The following PCDH15 variants were observed in gnomAD, a reference collection of about 807,000 sequenced individuals.
PCDH15 encodes the protein protocadherin related 15, also known as protocadherin-15.
A neutral mutation model predicts 178.5 loss-of-function variants in PCDH15; 129 were observed. That is an observed-to-expected ratio of 0.72 (90% CI 0.63 to 0.84). The LOEUF (loss-of-function observed/expected upper bound fraction) is 0.84. PCDH15 is among the 40% of genes least tolerant of loss of function. The probability of loss-of-function intolerance (pLI) is 0.00; values close to 1 mark genes in which losing one functional copy is unlikely to be tolerated. For missense variants in PCDH15, 2,230 were observed against 2,099.9 expected (o/e 1.06, Z -1.21); for synonymous variants, 800 against 732.0 (o/e 1.09, Z -1.50).
At chr10:54,554,601 G>C (rs1365952199) in intron 2 of PCDH15, among the ~76,000 whole-genome samples, 1 of 152,066 alleles carries the variant, frequency 6.6e-6, no homozygotes, top group Non-Finnish European at 1.5e-5. Context: ...AAATAGGTTG[G>C]ACTTCCATCT....
rs1212914906 is a variant in PCDH15, at chr10:55,621,653, G to A, written c.-156+5972C>T. On this transcript the variant is annotated intron_variant, in intron 2 of 5. Coordinates refer to the PCDH15 transcript ENST00000613346. Reference sequence around the variant, plus strand: ...ATCTAAAACTAATTCCTGATGATGTGAAGTGGAAGAGTTTCACATAACCCC... The same window carrying A: ...ATCTAAAACTAATTCCTGATGATGTAAAGTGGAAGAGTTTCACATAACCCC... 3.3e-5 allele frequency among the ~76,000 whole-genome samples: 5 copies of A among 152,236 alleles called. No individual in the cohort carries two copies. The Middle Eastern group carries it at 0.01, about 311-fold the overall frequency.
chr10:55,362,727 C>T lies in PCDH15; in HGVS notation c.-155-196076G>A, dbSNP rs190311181. ...CTCTTGTGTAGATTCATGTGATTAC[C>T]ACCACAGTCAAGATACAAAAGAGTT... On this transcript the variant is annotated intron_variant, in intron 2 of 5. Transcript: ENST00000613346. Among the ~76,000 whole-genome samples the T allele has an allele frequency of 5.3e-3, 812 of 152,086 alleles. 1 individual carries two copies. Among genetic ancestry groups the T allele is most frequent in the Non-Finnish European group, 6.8e-3 (460 of 67,976 alleles).
At chr10:54,092,623 A>T (rs1243360863) in intron 15 of PCDH15, among the ~76,000 whole-genome samples, 1 of 152,190 alleles carries the variant, frequency 6.6e-6, no homozygotes. Flanking sequence ...AAAAAAAAGA[A>T]GCAAACAAAT....
chr10:53,891,678 C>A (rs1361094306), intron 26 of PCDH15, among the ~76,000 whole-genome samples: 1 of 151,904 alleles, frequency 6.6e-6, no homozygotes, highest in African/African-American at 2.4e-5. Flanking sequence ...CCAGGCTGGT[C>A]GTTGTGGCTC....
intron 3 of PCDH15, among the ~76,000 whole-genome samples, chr10:54,409,159 A>T (rs1364669424): frequency 6.6e-6 from 1 of 152,156 alleles, no homozygotes; most frequent in Non-Finnish European, 1.5e-5. Context: ...CATGATTGTA[A>T]GGCCTCCCCA....
intron 5 of PCDH15, among the ~76,000 whole-genome samples, chr10:54,367,379 C>T (rs1198700254): frequency 6.6e-6 from 1 of 151,954 alleles, no homozygotes; most frequent in African/African-American, 2.4e-5. Flanking sequence ...TACTGTTTAA[C>T]AAGACACTGA....
At chr10:55,118,669 C>T (rs1272615547) in intron 2 of PCDH15, among the ~76,000 whole-genome samples, 1 of 152,164 alleles carries the variant, frequency 6.6e-6, no homozygotes. Flanking sequence ...ACCAAAGGGT[C>T]TTGTAAAAAT....
At chr10:54,986,985 T>C (rs1206973623) in intron 2 of PCDH15, among the ~76,000 whole-genome samples, 1 of 152,090 alleles carries the variant, frequency 6.6e-6, no homozygotes, top group Non-Finnish European at 1.5e-5. Context: ...TTGCTGCACC[T>C]ATTAATCAGT....
intron 2 of PCDH15, among the ~76,000 whole-genome samples, chr10:55,461,238 C>T (rs952729041): frequency 6.6e-6 from 1 of 152,096 alleles, no homozygotes; most frequent in African/African-American, 2.4e-5. Flanking sequence ...CTCTTCAGGA[C>T]GTCAATTCAG....
chr10:55,126,336 A>G (rs1175372786), intron 2 of PCDH15, among the ~76,000 whole-genome samples: 3 of 152,136 alleles, frequency 2.0e-5, no homozygotes, highest in African/African-American at 7.2e-5. Context: ...ACCTTGTCCA[A>G]AATCTGATTC....
intron 2 of PCDH15, among the ~76,000 whole-genome samples, chr10:55,053,768 T>G (rs1311043714): frequency 1.3e-5 from 2 of 152,188 alleles, no homozygotes; most frequent in Non-Finnish European, 2.9e-5. Flanking sequence ...AGAAAACACA[T>G]GGAAAGTGTC....
chr10:55,228,560 C>T (rs922628594), intron 1 of PCDH15, among the ~76,000 whole-genome samples: 16 of 151,940 alleles, frequency 1.1e-4, no homozygotes, highest in Non-Finnish European at 1.0e-4. Flanking sequence ...TGTGAGCATG[C>T]TTGTGCTCAC....
intron 1 of PCDH15, among the ~76,000 whole-genome samples, chr10:54,728,378 A>T (rs35983803): frequency 0.12 from 18,443 of 151,452 alleles, 1,251 homozygotes; most frequent in African/African-American, 0.17. Flanking sequence ...CTTTTGATAA[A>T]ATTCAGTGTC....
intron 3 of PCDH15, among the ~76,000 whole-genome samples, chr10:54,482,774 C>T (rs2078815848): frequency 6.6e-6 from 1 of 151,836 alleles, no homozygotes. Flanking sequence ...CCTCACACAT[C>T]AAGATTAGAA....
At chr10:54,293,329 A>C (rs890969717) in intron 8 of PCDH15, among the ~76,000 whole-genome samples, 1 of 152,248 alleles carries the variant, frequency 6.6e-6, no homozygotes, top group African/African-American at 2.4e-5. Flanking sequence ...AGATGGATTA[A>C]AGACTTAAAT....
chr10:54,855,889 C>G (rs2131774202), intron 3 of PCDH15, among the ~76,000 whole-genome samples: 1 of 152,188 alleles, frequency 6.6e-6, no homozygotes, highest in Non-Finnish European at 1.5e-5. Context: ...AATGTATACT[C>G]TGGATATGCT....
At chr10:54,126,072 AT>A (rs5785039) in intron 15 of PCDH15, among the ~76,000 whole-genome samples, 31,904 of 139,004 alleles carry the variant, frequency 0.23, 4,145 homozygotes, top group East Asian at 0.73. Flanking sequence ...AAGAATTACC[AT>A]TTTTTTTTTT....
rs1386998775 is a variant in PCDH15 at position 54,800,514 on chromosome 10, C to T, written c.-29+411G>A. ...CCTCCAGCAACAACCACTCATAAAACAAATCATCAATATTTGCACACAGAA... is the reference window on the plus strand; with the variant it reads ...CCTCCAGCAACAACCACTCATAAAATAAATCATCAATATTTGCACACAGAA... On this transcript the variant is annotated intron_variant, in intron 1 of 37. Coordinates refer to ENST00000644397, the MANE Select transcript of PCDH15 (RefSeq NM_001384140.1). 3.9e-5 allele frequency among the ~76,000 whole-genome samples: 6 copies of T among 152,264 alleles called. No homozygotes were observed. The East Asian group carries it at 1.2e-3, about 29-fold the overall frequency.
chr10:54,725,502 C>A (rs1029208192), intron 1 of PCDH15, among the ~76,000 whole-genome samples: 1 of 139,082 alleles, frequency 7.2e-6, no homozygotes, highest in African/African-American at 2.5e-5. Flanking sequence ...CACAGTAAGA[C>A]CTCATCTCTA....
Sources: allele counts gnomAD v4.1 joint callset (sites outside exome capture counted in the v4.1 genomes callset), GRCh38; gene constraint gnomAD v4.1.1; transcripts MANE v1.5; gene names NCBI Gene and HGNC (gene_info 2026-07-23, HGNC 2026-07-21).